IL1RAPL2: variants seen among roughly 807,000 people sequenced by gnomAD.
IL1RAPL2 encodes interleukin 1 receptor accessory protein like 2.
Under a neutral mutation model 44.1 loss-of-function variants are expected in IL1RAPL2, and 3 were observed. That is an observed-to-expected ratio of 0.07 (90% CI 0.03 to 0.18). The LOEUF (loss-of-function observed/expected upper bound fraction) is 0.18, where lower values mean the gene tolerates loss of function less well. IL1RAPL2 is among the 10% of genes least tolerant of loss of function. IL1RAPL2 has a pLI of 1.00. For missense variants in IL1RAPL2, 391 were observed against 496.4 expected (o/e 0.79, Z 2.02); for synonymous variants, 181 against 178.8 (o/e 1.01, Z -0.10).
intron 2 of IL1RAPL2, among the ~76,000 whole-genome samples, chrX:104,936,485 G>T (rs1569346050): frequency 9.0e-6 from 1 of 111,312 alleles, no homozygotes. Flanking sequence ...GCAAGACATA[G>T]ATTTAGAGCT....
intron 3 of IL1RAPL2, among the ~76,000 whole-genome samples, chrX:105,201,085 T>C (rs1327995083): frequency 8.9e-6 from 1 of 112,013 alleles, no homozygotes; most frequent in Admixed American, 9.5e-5. Context: ...CCTTATAAAA[T>C]GGGAGCATAA....
Position 105,238,579 on chromosome X carries a change from C to T in IL1RAPL2, c.543+4575C>T, listed in dbSNP as rs782283917. On this transcript the variant is annotated intron_variant, in intron 4 of 10. Transcript: ENST00000372582. ...GTTTACAGGAGAAAAAGACAAAACC[C>T]AGTCTGTTCTAGGATATATGTGTTT... Among the ~76,000 whole-genome samples, 14 of 110,699 alleles carry T rather than the reference C, an allele frequency of 1.3e-4. No individual in the cohort carries two copies. The South Asian group carries it at 5.5e-3, about 44-fold the overall frequency.
rs1045977870 is a variant in IL1RAPL2, at chrX:105,710,355, C to T, written c.773-7012C>T. 1.5e-3 allele frequency among the ~76,000 whole-genome samples: 111 copies of T among 76,403 alleles called. 1 individual carries two copies. Among genetic ancestry groups the T allele is most frequent in the African/African-American group, 5.6e-3 (105 of 18,814 alleles). 66.3% of individuals were successfully genotyped at this position (76,403 alleles called of 115,157 possible). On this transcript the variant is annotated intron_variant, in intron 6 of 10. Transcript: ENST00000372582. ...GGTCACTGTTGTCTGGGTAGAAAATCCTACTTTTTTTTTTTTTTTTTTTTC... is the reference window on the plus strand; with the variant it reads ...GGTCACTGTTGTCTGGGTAGAAAATTCTACTTTTTTTTTTTTTTTTTTTTC...
chrX:104,974,167 C>T (rs996889107), intron 2 of IL1RAPL2, among the ~76,000 whole-genome samples: 4 of 111,503 alleles, frequency 3.6e-5, no homozygotes, highest in African/African-American at 1.3e-4. Context: ...ATTATTTAAG[C>T]ATCTATTCCA....
At chrX:105,230,089 G>GCA (rs1556194119) in intron 3 of IL1RAPL2, among the ~76,000 whole-genome samples, 3 of 112,281 alleles carry the variant, frequency 2.7e-5, no homozygotes, top group Non-Finnish European at 5.6e-5. Flanking sequence ...GAGCCACCAT[G>GCA]CCCGGCCAGA....
chrX:105,067,035 C>T (rs2032145982), intron 2 of IL1RAPL2, among the ~76,000 whole-genome samples: 1 of 111,673 alleles, frequency 9.0e-6, no homozygotes, highest in Non-Finnish European at 1.9e-5. Context: ...TTCAGCATGC[C>T]ACACAAAGTT....
At chrX:105,638,477 C>T (rs1309867489) in intron 6 of IL1RAPL2, among the ~76,000 whole-genome samples, 1 of 110,779 alleles carries the variant, frequency 9.0e-6, no homozygotes, top group African/African-American at 3.3e-5. Context: ...TTTCAGGTGA[C>T]CTCAGGTCCA....
At chrX:104,803,935 A>G (rs920643102) in intron 2 of IL1RAPL2, 2 of 112,415 alleles carry the variant, frequency 1.8e-5, no homozygotes, top group Admixed American at 9.4e-5. Context: ...GCACGCTGCA[A>G]GAGTAAAAGG....
chrX:104,636,009 A>T (rs1929795059), intron 1 of IL1RAPL2, among the ~76,000 whole-genome samples: 2 of 111,722 alleles, frequency 1.8e-5, no homozygotes, highest in African/African-American at 6.5e-5. Flanking sequence ...GGTGATGTAC[A>T]GATGGGGTTT....
intron 2 of IL1RAPL2, among the ~76,000 whole-genome samples, chrX:105,069,411 T>C (rs1287405724): frequency 8.9e-6 from 1 of 112,658 alleles, no homozygotes; most frequent in Non-Finnish European, 1.9e-5. Context: ...TTTACCAACA[T>C]AGAAAGGAAT....
chrX:105,510,169 T>C (rs915863925), intron 6 of IL1RAPL2, among the ~76,000 whole-genome samples: 2 of 110,986 alleles, frequency 1.8e-5, no homozygotes, highest in African/African-American at 6.6e-5. Flanking sequence ...TGAGACCCTG[T>C]CTCTAAAAAA....
rs776981559 is a variant in IL1RAPL2, at chrX:105,301,671, G to A, written c.697+34130G>A. ...ATTTCACTTAACATGATGACCTCCCGTTCCATCCATGTTGTTGCAATTGAC... is the reference window on the plus strand; with the variant it reads ...ATTTCACTTAACATGATGACCTCCCATTCCATCCATGTTGTTGCAATTGAC... On this transcript the variant is annotated intron_variant, in intron 5 of 10. Coordinates refer to ENST00000372582, the MANE Select transcript of IL1RAPL2 (RefSeq NM_017416.2). Among the ~76,000 whole-genome samples the A allele has an allele frequency of 8.1e-5, 9 of 111,449 alleles. No individual in the cohort carries two copies. In the South Asian group the frequency reaches 1.5e-3, roughly 19 times the overall value.
intron 5 of IL1RAPL2, among the ~76,000 whole-genome samples, chrX:105,477,176 G>A (rs1159433286): frequency 1.8e-5 from 2 of 111,621 alleles, no homozygotes; most frequent in Non-Finnish European, 3.8e-5. Flanking sequence ...GAATATTAGG[G>A]CAAAGGAGAT....
intron 4 of IL1RAPL2, among the ~76,000 whole-genome samples, chrX:105,254,118 G>GA (rs758212121): frequency 3.9e-4 from 43 of 111,587 alleles, no homozygotes; most frequent in African/African-American, 1.3e-3. Context: ...GCTCTTTGAG[G>GA]AATCGCCATA....
intron 1 of IL1RAPL2, chrX:104,647,794 G>T: frequency 3.7e-6 from 2 of 537,308 alleles, no homozygotes; most frequent in Non-Finnish European, 6.8e-6. Context: ...GTCGAGAATG[G>T]CAGTCAAAGA....
chrX:105,433,078 T>C (rs1428001110), intron 5 of IL1RAPL2, among the ~76,000 whole-genome samples: 1 of 111,481 alleles, frequency 9.0e-6, no homozygotes, highest in Non-Finnish European at 1.9e-5. Context: ...ACTTTTATTA[T>C]CCTTTTATTA....
At chrX:104,793,306 TAAG>T (rs1932834840) in intron 2 of IL1RAPL2, among the ~76,000 whole-genome samples, 1 of 112,177 alleles carries the variant, frequency 8.9e-6, no homozygotes, top group Non-Finnish European at 1.9e-5. Context: ...GATTCTAAGT[TAAG>T]AAGAACAAGG....
chrX:105,754,104 G>C (rs1240576921), intron 9 of IL1RAPL2, among the ~76,000 whole-genome samples: 1 of 112,203 alleles, frequency 8.9e-6, no homozygotes, highest in Non-Finnish European at 1.9e-5. Context: ...TGTTTTAATA[G>C]AAAATATTGA....
intron 2 of IL1RAPL2, chrX:104,804,186 A>C (rs1932905024): frequency 8.9e-6 from 1 of 112,159 alleles, no homozygotes; most frequent in Non-Finnish European, 1.9e-5. Context: ...GGCACCCACA[A>C]CATGTACCAG....
Sources: allele counts gnomAD v4.1 joint callset (sites outside exome capture counted in the v4.1 genomes callset), GRCh38; gene constraint gnomAD v4.1.1; transcripts MANE v1.5; gene names NCBI Gene and HGNC (gene_info 2026-07-23, HGNC 2026-07-21).